The following CC2D2B variants were observed in gnomAD, a reference collection of about 807,000 sequenced individuals.
CC2D2B encodes coiled-coil and C2 domain containing 2B.
CC2D2B carries 128 observed loss-of-function variants against 161.2 expected under a neutral mutation model. That is an observed-to-expected ratio of 0.79 (90% CI 0.69 to 0.92). The LOEUF (loss-of-function observed/expected upper bound fraction) is 0.92, where lower values mean the gene tolerates loss of function less well. CC2D2B is among the 40% of genes least tolerant of loss of function. The pLI, the probability that CC2D2B is intolerant of heterozygous loss-of-function variation, is 0.00. For missense variants in CC2D2B, 1,173 were observed against 1,375.1 expected (o/e 0.85, Z 2.32); for synonymous variants, 391 against 449.8 (o/e 0.87, Z 1.65).
At chr10:96,017,280 G>T (rs1465299853) in intron 30 of CC2D2B, among the ~76,000 whole-genome samples, 1 of 152,134 alleles carries the variant, frequency 6.6e-6, no homozygotes, top group Non-Finnish European at 1.5e-5. Flanking sequence ...TTGTCATGAT[G>T]ATTTATTTCC....
chr10:95,973,227 G>A (rs758555495), intron 16 of CC2D2B, among the ~76,000 whole-genome samples: 25 of 152,134 alleles, frequency 1.6e-4, no homozygotes, highest in Non-Finnish European at 4.4e-5. Context: ...TAAGCTTATG[G>A]AGACCCGGGA....
At chr10:95,934,833 C>T (rs868321543) in intron 6 of CC2D2B, among the ~76,000 whole-genome samples, 1 of 151,988 alleles carries the variant, frequency 6.6e-6, no homozygotes, top group Non-Finnish European at 1.5e-5. Context: ...GTTCCTATTC[C>T]GCCATCTTGC....
chr10:95,957,623 C>T (rs2076613204), intron 11 of CC2D2B, among the ~76,000 whole-genome samples: 1 of 130,980 alleles, frequency 7.6e-6, no homozygotes, highest in South Asian at 2.5e-4. Context: ...TGCAGTGACA[C>T]AATCTCGGCT....
At chr10:95,980,243 T>C (rs1406389950) in intron 17 of CC2D2B, among the ~76,000 whole-genome samples, 1 of 152,034 alleles carries the variant, frequency 6.6e-6, no homozygotes, top group African/African-American at 2.4e-5. Flanking sequence ...TCTTCAATCA[T>C]TTGACTGGTT....
chr10:95,994,080 C>T (rs575226251), intron 22 of CC2D2B, among the ~76,000 whole-genome samples: 62 of 147,328 alleles, frequency 4.2e-4, no homozygotes, highest in Admixed American at 1.4e-3. Context: ...AGACACAAGA[C>T]AAAGAGATAA....
chr10:95,912,936 T>C (rs2098509085), intron 2 of CC2D2B, among the ~76,000 whole-genome samples: 1 of 152,182 alleles, frequency 6.6e-6, no homozygotes, highest in Non-Finnish European at 1.5e-5. Context: ...ATTCATTACC[T>C]CAAGCATTTT....
Position 95,969,001 on chromosome 10 carries a change from G to A in CC2D2B, c.1644+100G>A, listed in dbSNP as rs1201265720. On this transcript the variant is annotated intron_variant, in intron 15 of 34. Coordinates refer to ENST00000646931, the MANE Select transcript of CC2D2B (RefSeq NM_001349008.3). ...ATATGTGATAAGTAATTTCTTTGAT[G>A]TTAAGAGATGGACTGATCTTTATGT... 7 of 456,632 alleles carry A rather than the reference G, an allele frequency of 1.5e-5. No homozygotes were observed. In the Admixed American group the frequency reaches 2.7e-4, roughly 17 times the overall value. 28.3% of individuals were successfully genotyped at this position (456,632 alleles called of 1,614,324 possible).
chr10:95,927,267 G>T lies in CC2D2B; in HGVS notation c.271G>T (p.Glu91Ter). 1 of 1,550,950 alleles carries T rather than the reference G, an allele frequency of 6.4e-7. No homozygotes were observed. The highest frequency in any genetic ancestry group is 8.7e-7 in the Non-Finnish European group (1 of 1,146,006). ...LSPQTEVSLD[E>*]SLSFFILSGE... Reference sequence around the variant, plus strand: ...TCCACAGACTGAAGTCTCATTGGATGAAAGTCTTTCATTTTTCATTCTGAG... The same window carrying T: ...TCCACAGACTGAAGTCTCATTGGATTAAAGTCTTTCATTTTTCATTCTGAG... The change falls in exon 6 of 35, where the codon GAA (glutamate) becomes TAA (stop). Residue 91 changes from glutamate (E) to a stop codon, truncating the protein, a stop_gained. Coordinates refer to ENST00000646931, the MANE Select transcript of CC2D2B (RefSeq NM_001349008.3). LOFTEE classifies it high-confidence loss of function.
chr10:95,988,582 T>G (rs969522780), intron 20 of CC2D2B, among the ~76,000 whole-genome samples: 1 of 152,160 alleles, frequency 6.6e-6, no homozygotes, highest in African/African-American at 2.4e-5. Context: ...AAACATACAT[T>G]TTAAAGACTT....
intron 33 of CC2D2B, among the ~76,000 whole-genome samples, chr10:96,025,168 T>TAAAAAAAAAAA (rs1564683736): frequency 6.4e-4 from 8 of 12,514 alleles, no homozygotes; most frequent in African/African-American, 3.8e-3. Context: ...TATATATATA[T>TAAAAAAAAAAA]ATATATATAT....
intron 12 of CC2D2B, among the ~76,000 whole-genome samples, chr10:95,963,599 A>C (rs1370947394): frequency 6.6e-6 from 1 of 152,170 alleles, no homozygotes; most frequent in Non-Finnish European, 1.5e-5. Context: ...GACCCCAAGC[A>C]CTGAGTCTTG....
At chr10:95,987,279 G>A (rs932894721) in intron 19 of CC2D2B, among the ~76,000 whole-genome samples, 4 of 151,834 alleles carry the variant, frequency 2.6e-5, no homozygotes, top group Non-Finnish European at 4.4e-5. Flanking sequence ...AACTGAGATC[G>A]TGCCACTGTA....
intron 5 of CC2D2B, among the ~76,000 whole-genome samples, chr10:95,926,517 A>G (rs1284719781): frequency 2.0e-5 from 3 of 151,542 alleles, no homozygotes; most frequent in African/African-American, 7.3e-5. Flanking sequence ...TTTATATTTT[A>G]TAAAATTATC....
At chr10:95,921,918 AC>A (rs1246422403) in intron 2 of CC2D2B, 97 bp from the exon 3 acceptor site, 2 of 644,072 alleles carry the variant, frequency 3.1e-6, no homozygotes, top group African/African-American at 3.7e-5. Context: ...CATGTTGTGC[AC>A]ATGTACCCTA....
chr10:95,920,216 A>G (rs1436743800), intron 2 of CC2D2B: 1 of 152,290 alleles, frequency 6.6e-6, no homozygotes, highest in Non-Finnish European at 1.5e-5. Flanking sequence ...CTATAAAGAT[A>G]GTACCCTTTA....
At position 96,016,229 on chromosome 10, in the gene CC2D2B, A is replaced by G. The variant is rs1049345915; in HGVS notation, c.3545A>G (p.Lys1182Arg). The G allele has an allele frequency of 3.1e-6, 5 of 1,612,078 alleles. No individual in the cohort carries two copies. The South Asian group carries it at 5.5e-5, about 18-fold the overall frequency. ...TGCATCAGTTTAGCTATCGGAAATA[A>G]GGAGGAGCATGCCATCCTTCTCTGT... is the stretch of plus-strand genomic sequence containing the variant. ...EHCISLAIGN[K>R]EEHAILLCNF... Residue 1182 changes from lysine to arginine, a missense_variant, in exon 30 of 35, where the codon AAG becomes AGG. By Grantham distance (26) the Lys-to-Arg change is conservative. This residue lies in a region of CC2D2B where 598 missense variants were observed against 693.2 expected (regional missense o/e 0.86). Transcript: ENST00000646931.
At chr10:96,025,170 T>TATAAAAAAAAAAAAAAA (rs2079662066) in intron 33 of CC2D2B, among the ~76,000 whole-genome samples, 1 of 19,324 alleles carries the variant, frequency 5.2e-5, no homozygotes, top group African/African-American at 2.1e-4. Context: ...TATATATATA[T>TATAAAAAAAAAAAAAAA]ATATATATAT....
chr10:95,937,531 T>C (rs2075867667), intron 6 of CC2D2B, among the ~76,000 whole-genome samples: 1 of 146,084 alleles, frequency 6.8e-6, no homozygotes, highest in Admixed American at 6.7e-5. Context: ...TCTTTCTTCT[T>C]TCTTTTTTTT....
At chr10:95,993,854 A>T (rs2078064070) in intron 22 of CC2D2B, among the ~76,000 whole-genome samples, 1 of 91,036 alleles carries the variant, frequency 1.1e-5, no homozygotes, top group African/African-American at 6.5e-5. Flanking sequence ...ATATATATAG[A>T]GAGAGAGAGA....
Sources: allele counts gnomAD v4.1 joint callset (sites outside exome capture counted in the v4.1 genomes callset), GRCh38; gene constraint gnomAD v4.1.1; regional missense constraint gnomAD v4.1.1; transcripts MANE v1.5; gene names NCBI Gene and HGNC (gene_info 2026-07-23, HGNC 2026-07-21).